The following MKX variants were observed in gnomAD, a reference collection of about 807,000 sequenced individuals.
MKX encodes mohawk homeobox, also known as homeobox protein Mohawk.
MKX carries 13 observed loss-of-function variants against 36.0 expected under a neutral mutation model. That is an observed-to-expected ratio of 0.36 (90% confidence interval 0.24 to 0.57). MKX has a LOEUF of 0.57. MKX is among the 20% of genes least tolerant of loss of function. The pLI is 0.79. For missense variants in MKX, 458 were observed against 456.4 expected (o/e 1.00, Z -0.03); for synonymous variants, 176 against 178.3 (o/e 0.99, Z 0.10).
Position 27,735,424 on chromosome 10 carries a change from G to A in MKX, c.349-50C>T, listed in dbSNP as rs377601436. The stretch of plus-strand genomic sequence containing the variant: ...AACAAAACTTAAAAACATTATCCAT[G>A]GTGCGATTATTTTCTCATAAAGGAG... On this transcript the variant is annotated intron_variant, in intron 3 of 6. Coordinates refer to ENST00000419761, the MANE Select transcript of MKX (RefSeq NM_173576.3). The A allele has an allele frequency of 2.7e-6, 4 of 1,508,332 alleles. No individual in the cohort carries two copies. The African/African-American group carries it at 5.6e-5, about 21-fold the overall frequency. The allele number at this position is 1,508,332 out of a possible 1,614,324, so 93.4% of individuals were successfully genotyped here. A position where few individuals can be genotyped will look rare whatever the true frequency, so the allele number is the denominator to read the frequency against.
chr10:27,732,910 G>A lies in MKX; in HGVS notation c.838+1546C>T, dbSNP rs1443637144. ...CTGCAGGTATGCACCACCATGCATG[G>A]GTAATTAAAAAAAAAATTTGTAGCA... On this transcript the variant is annotated intron_variant, in intron 5 of 6. Coordinates refer to ENST00000419761, the MANE Select transcript of MKX (RefSeq NM_173576.3). Among the ~76,000 whole-genome samples, 3 of 151,404 alleles carry A rather than the reference G, an allele frequency of 2.0e-5. No individual in the cohort carries two copies. In the East Asian group the frequency reaches 6.2e-4, roughly 31 times the overall value.
At chr10:27,720,099 T>A (rs1296483978) in intron 5 of MKX, among the ~76,000 whole-genome samples, 1 of 149,388 alleles carries the variant, frequency 6.7e-6, no homozygotes, top group Non-Finnish European at 1.5e-5. Flanking sequence ...GTTCAGAAAA[T>A]GGAGGAGAAA....
At chr10:27,705,244 C>T (rs1303308342) in intron 5 of MKX, among the ~76,000 whole-genome samples, 1 of 59,180 alleles carries the variant, frequency 1.7e-5, no homozygotes, top group Non-Finnish European at 3.7e-5. Flanking sequence ...GAATGCTACA[C>T]AGCTGTAAAA....
chr10:27,690,682 G>A (rs920338866), intron 5 of MKX, among the ~76,000 whole-genome samples: 1 of 152,186 alleles, frequency 6.6e-6, no homozygotes, highest in African/African-American at 2.4e-5. Context: ...GAAGGGCTGT[G>A]GCACTCTGCT....
chr10:27,692,174 G>A (rs529015675), intron 5 of MKX, among the ~76,000 whole-genome samples: 14 of 152,130 alleles, frequency 9.2e-5, no homozygotes, highest in South Asian at 2.1e-4. Flanking sequence ...AGAAAATATC[G>A]CCCAGAAATT....
chr10:27,687,855 GA>G (rs1370764041), intron 5 of MKX, among the ~76,000 whole-genome samples: 1 of 152,200 alleles, frequency 6.6e-6, no homozygotes, highest in Non-Finnish European at 1.5e-5. Flanking sequence ...AGAGGGTCTG[GA>G]AATGTTAAGT....
At chr10:27,683,233 A>G (rs565577746) in intron 5 of MKX, among the ~76,000 whole-genome samples, 1 of 152,086 alleles carries the variant, frequency 6.6e-6, no homozygotes, top group African/African-American at 2.4e-5. Flanking sequence ...TTTATACCAT[A>G]TTTTACTGTG....
chr10:27,688,743 TA>T (rs1836401941), intron 5 of MKX, among the ~76,000 whole-genome samples: 1 of 152,224 alleles, frequency 6.6e-6, no homozygotes, highest in South Asian at 2.1e-4. Flanking sequence ...GCTTCTTAGC[TA>T]AATCTTAATT....
In MKX at chr10:27,712,541, AG is replaced by A. The variant is rs376279685; in HGVS notation, c.838+21914del. ...GGGAGGGGGAAGAGTAGAACCAGTG[AG>A]GTGCTGTGAGGCTGGAGACCCTGGG... is the stretch of plus-strand genomic sequence containing the variant. On this transcript the variant is annotated intron_variant, in intron 5 of 6. Transcript: ENST00000419761. Among the ~76,000 whole-genome samples the A allele has an allele frequency of 5.0e-4, 76 of 152,200 alleles. No homozygotes were observed. In the East Asian group the frequency reaches 0.014, roughly 28 times the overall value.
chr10:27,676,766 T>C (rs1836159995), intron 5 of MKX, among the ~76,000 whole-genome samples: 1 of 152,190 alleles, frequency 6.6e-6, no homozygotes, highest in African/African-American at 2.4e-5. Flanking sequence ...GTGATAGCAA[T>C]ACAGGATTTC....
In MKX at chr10:27,681,010, C is replaced by A. The variant is rs74856229; in HGVS notation, c.839-5456G>T. Among the ~76,000 whole-genome samples the A allele has an allele frequency of 5.4e-3, 821 of 152,288 alleles. 16 individuals are homozygous for A. The East Asian group carries it at 0.061, about 11-fold the overall frequency. Reference sequence around the variant, plus strand: ...GAAGGTACAGTTGTGCGCCACCTAACGATAATTCGGTCAGTGGCAAACCAT... The same window carrying A: ...GAAGGTACAGTTGTGCGCCACCTAAAGATAATTCGGTCAGTGGCAAACCAT... On this transcript the variant is annotated intron_variant, in intron 5 of 6. Transcript: ENST00000419761.
chr10:27,710,091 A>G (rs1290583959), intron 5 of MKX, among the ~76,000 whole-genome samples: 3 of 152,186 alleles, frequency 2.0e-5, no homozygotes, highest in Non-Finnish European at 4.4e-5. Context: ...ATTGGCTACC[A>G]TATCAGACAG....
chr10:27,701,827 GTA>G (rs10609979), intron 5 of MKX, among the ~76,000 whole-genome samples: 15,015 of 145,326 alleles, frequency 0.1, 848 homozygotes, highest in East Asian at 0.28. Context: ...GTGTGTGTGT[GTA>G]TATATATATA....
In MKX at chr10:27,743,436, C is replaced by A; in HGVS notation, c.-21G>T. The A allele has an allele frequency of 6.6e-7, 1 of 1,519,068 alleles. No individual in the cohort carries two copies. Among genetic ancestry groups the A allele is most frequent in the Non-Finnish European group, 8.8e-7 (1 of 1,137,572 alleles). 94.1% of individuals were successfully genotyped at this position (1,519,068 alleles called of 1,614,324 possible). ...TTCATGGTGTCGGTTGGTAGGGACG[C>A]GCGGCGCGGCCGCAGAGCCTCGGGG... On this transcript the variant is annotated 5_prime_UTR_variant, in exon 2 of 7. Coordinates refer to ENST00000419761, the MANE Select transcript of MKX (RefSeq NM_173576.3).
At chr10:27,711,320 A>G (rs1836846224) in intron 5 of MKX, among the ~76,000 whole-genome samples, 1 of 152,322 alleles carries the variant, frequency 6.6e-6, no homozygotes. Context: ...TAAAAGCACT[A>G]TCTACTCTTA....
At chr10:27,682,810 C>T (rs1047944814) in intron 5 of MKX, among the ~76,000 whole-genome samples, 1 of 151,918 alleles carries the variant, frequency 6.6e-6, no homozygotes, top group African/African-American at 2.4e-5. Flanking sequence ...GAAACCCCGT[C>T]TCTACTAAAA....
Position 27,699,157 on chromosome 10 carries a change from G to C in MKX, c.839-23603C>G, listed in dbSNP as rs74530605. ...AGAAAGAACAGAGGATCTGTCTGGCGAGCAGCCAGTCAGAGAATATTGAAA... is the reference window on the plus strand; with the variant it reads ...AGAAAGAACAGAGGATCTGTCTGGCCAGCAGCCAGTCAGAGAATATTGAAA... On this transcript the variant is annotated intron_variant, in intron 5 of 6. Transcript: ENST00000419761. Among the ~76,000 whole-genome samples the C allele has an allele frequency of 2.0e-5, 3 of 152,290 alleles. No homozygotes were observed. The East Asian group carries it at 5.8e-4, about 29-fold the overall frequency.
intron 5 of MKX, among the ~76,000 whole-genome samples, chr10:27,708,451 G>C (rs1836794651): frequency 6.6e-6 from 1 of 152,112 alleles, no homozygotes. Flanking sequence ...TTGACTATAG[G>C]CCGGGCGCGG....
At chr10:27,721,041 C>T (rs569094238) in intron 5 of MKX, among the ~76,000 whole-genome samples, 1 of 152,176 alleles carries the variant, frequency 6.6e-6, no homozygotes, top group South Asian at 2.1e-4. Context: ...GTAAGGAAAA[C>T]TGTAAAAACT....
Sources: gnomAD v4.1 joint callset for allele counts (sites outside exome capture counted in the v4.1 genomes callset) on GRCh38, gnomAD v4.1.1 for gene constraint, MANE v1.5 for transcripts, NCBI Gene and HGNC (gene_info 2026-07-23, HGNC 2026-07-21) for gene names.